ATP11A: variants seen among roughly 807,000 people sequenced by gnomAD.
ATP11A encodes the protein phospholipid-transporting ATPase IH.
ATP11A carries 81 observed loss-of-function variants against 154.4 expected under a neutral mutation model. That is an observed-to-expected ratio of 0.52 (90% CI 0.44 to 0.63). The LOEUF is 0.63. Among genes scored for constraint, ATP11A ranks in the 30% least tolerant of loss-of-function variants. ATP11A has a pLI of 0.00. For missense variants in ATP11A, 1,316 were observed against 1,474.3 expected (o/e 0.89, Z 1.76); for synonymous variants, 623 against 585.9 (o/e 1.06, Z -0.91).
rs79075486 is a variant in ATP11A, at chr13:112,790,944, C to A, written c.162+5687C>A. Among the ~76,000 whole-genome samples the A allele has an allele frequency of 4.5e-3, 685 of 152,288 alleles. 7 individuals carry two copies. The highest frequency in any genetic ancestry group is 0.015 in the African/African-American group (641 of 41,558). ...ATGTAAATGCTGAAAAACAAAGTCC[C>A]AACCAGATAAGTCCTGTGGGTGGTT... On this transcript the variant is annotated intron_variant, in intron 2 of 29. Coordinates refer to ENST00000375645, the MANE Select transcript of ATP11A (RefSeq NM_015205.3).
At chr13:112,816,823 A>G (rs926331071) in intron 6 of ATP11A, among the ~76,000 whole-genome samples, 5 of 152,224 alleles carry the variant, frequency 3.3e-5, no homozygotes, top group African/African-American at 1.2e-4. Flanking sequence ...AACCTGTGTC[A>G]ATTAGCTAAT....
At chr13:112,792,833 G>A (rs921141353) in intron 2 of ATP11A, among the ~76,000 whole-genome samples, 3 of 152,164 alleles carry the variant, frequency 2.0e-5, no homozygotes, top group African/African-American at 7.2e-5. Context: ...GTACTTTGGG[G>A]CACAGAATTC....
At chr13:112,740,906 G>A (rs1373953184) in intron 1 of ATP11A, among the ~76,000 whole-genome samples, 1 of 152,218 alleles carries the variant, frequency 6.6e-6, no homozygotes, top group Non-Finnish European at 1.5e-5. Flanking sequence ...TGCGCTCAGC[G>A]TTATTCAGGG....
At chr13:112,864,165 C>T (rs369307776) in intron 25 of ATP11A, among the ~76,000 whole-genome samples, 10 of 101,142 alleles carry the variant, frequency 9.9e-5, no homozygotes, top group Admixed American at 7.8e-4. Context: ...TCACCACCTG[C>T]GCAGTAATTC....
At chr13:112,718,537 G>T (rs933911527) in intron 1 of ATP11A, among the ~76,000 whole-genome samples, 1 of 152,212 alleles carries the variant, frequency 6.6e-6, no homozygotes, top group Non-Finnish European at 1.5e-5. Flanking sequence ...GTGCGGTGGG[G>T]ATGGGAACCC....
intron 1 of ATP11A, among the ~76,000 whole-genome samples, chr13:112,767,637 G>A (rs2077127221): frequency 6.7e-6 from 1 of 148,240 alleles, no homozygotes; most frequent in African/African-American, 2.6e-5. Context: ...TTTGAAAGGG[G>A]TGTGTGACTC....
At chr13:112,781,781 T>A in intron 1 of ATP11A, among the ~76,000 whole-genome samples, 1 of 66,858 alleles carries the variant, frequency 1.5e-5, no homozygotes, top group African/African-American at 4.2e-5. Context: ...TGCTTTCACT[T>A]TGCAAAAAAA....
intron 1 of ATP11A, among the ~76,000 whole-genome samples, chr13:112,770,784 C>T (rs2094810): frequency 6.6e-6 from 1 of 151,794 alleles, no homozygotes; most frequent in East Asian, 1.9e-4. Flanking sequence ...TAGGAGGCGG[C>T]GATGGCGAGT....
rs931483630 is a variant in ATP11A, at chr13:112,824,236, A to G, written c.791-108A>G. The stretch of plus-strand genomic sequence containing the variant: ...GACACTAGCTTATGAAATTAAAAAT[A>G]GGATTCGCTTTACCCAAGAATTGAT... On this transcript the variant is annotated intron_variant, in intron 9 of 29. Coordinates refer to ENST00000375645, the MANE Select transcript of ATP11A (RefSeq NM_015205.3). 7 of 833,194 alleles carry G rather than the reference A, an allele frequency of 8.4e-6. No homozygotes were observed. In the African/African-American group the frequency reaches 1.2e-4, roughly 14 times the overall value. The allele number at this position is 833,194 out of a possible 1,614,324, so 51.6% of individuals were successfully genotyped here. A position where few individuals can be genotyped will look rare whatever the true frequency, so the allele number is the denominator to read the frequency against.
chr13:112,836,680 A>G (rs2079243765), intron 16 of ATP11A, among the ~76,000 whole-genome samples: 1 of 152,216 alleles, frequency 6.6e-6, no homozygotes, highest in South Asian at 2.1e-4. Flanking sequence ...ATAATGTTCA[A>G]AGTTGCAAAG....
chr13:112,788,837 C>G (rs2077740235), intron 2 of ATP11A, among the ~76,000 whole-genome samples: 1 of 151,714 alleles, frequency 6.6e-6, no homozygotes, highest in Admixed American at 6.6e-5. Flanking sequence ...CTGTAGACCC[C>G]TGTGGCGACC....
intron 1 of ATP11A, among the ~76,000 whole-genome samples, chr13:112,729,567 G>A (rs1890271074): frequency 6.7e-6 from 1 of 150,314 alleles, no homozygotes; most frequent in African/African-American, 2.5e-5. Context: ...TTACTCATCC[G>A]AGTGTGAACA....
At chr13:112,762,686 A>T (rs2076990098) in intron 1 of ATP11A, among the ~76,000 whole-genome samples, 1 of 152,322 alleles carries the variant, frequency 6.6e-6, no homozygotes, top group Non-Finnish European at 1.5e-5. Flanking sequence ...CCATTGCTGT[A>T]AAGTCATGAG....
intron 12 of ATP11A, among the ~76,000 whole-genome samples, chr13:112,831,123 G>A (rs2079071971): frequency 1.3e-5 from 2 of 152,140 alleles, no homozygotes; most frequent in African/African-American, 2.4e-5. Flanking sequence ...AAGGTATCCC[G>A]AGGCCTCCCC....
At position 112,831,404 on chromosome 13, in the gene ATP11A, C is replaced by T. The variant is rs763505862; in HGVS notation, c.1251C>T (p.Gly417=). The T allele has an allele frequency of 1.2e-5, 19 of 1,614,170 alleles. No homozygotes were observed. In the East Asian group the frequency reaches 3.8e-4, roughly 32 times the overall value. Residue 417 remains glycine (G), a synonymous_variant, in exon 13 of 30, where the codon GGC becomes GGT. Transcript: ENST00000375645. ...QVEYIFTDKT[G]TLTENNMEFK... is the part of the protein sequence containing the mutation. ...AGTACATCTTCACAGACAAGACCGG[C>T]ACCCTCACGGAAAACAACATGGAGT...
chr13:112,878,217 A>G lies in ATP11A; in HGVS notation c.3328A>G (p.Thr1110Ala), dbSNP rs1189059655. ...CGTGGCCGCTGACCTCGGGACTAAG[A>G]CTAAGAGCCAGTGCCTTTCTGTCGA... ...LWPTATERVQTKSQCLSVEQS... is the reference protein window; with the variant it reads ...LWPTATERVQAKSQCLSVEQS... Residue 1110 changes from threonine (T) to alanine (A), a missense_variant and splice_region_variant, in exon 29 of 30, where the codon ACT (threonine) becomes GCT (alanine). Coordinates refer to ENST00000375645, the MANE Select transcript of ATP11A (RefSeq NM_015205.3). The G allele has an allele frequency of 6.2e-7, 1 of 1,614,172 alleles. No homozygotes were observed.
intron 1 of ATP11A, among the ~76,000 whole-genome samples, chr13:112,741,173 A>T (rs1891504876): frequency 6.6e-6 from 1 of 152,052 alleles, no homozygotes; most frequent in African/African-American, 2.4e-5. Context: ...ACAGAGCTTT[A>T]TGTTTTTTTG....
chr13:112,738,471 A>G (rs1327147485), intron 1 of ATP11A, among the ~76,000 whole-genome samples: 1 of 152,254 alleles, frequency 6.6e-6, no homozygotes, highest in East Asian at 1.9e-4. Context: ...ACCTGAGATT[A>G]TTGCCATAAT....
chr13:112,802,188 C>CA lies in ATP11A; in HGVS notation c.163-2761dup, dbSNP rs573243269. On this transcript the variant is annotated intron_variant, in intron 2 of 29. Transcript: ENST00000375645. The stretch of plus-strand genomic sequence containing the variant: ...TGAAACCCCATCTCTACTAAAAATA[C>CA]AAAAAAAATTAGCCGGGCGTGGTGG... 5.5e-4 allele frequency among the ~76,000 whole-genome samples: 83 copies of CA among 151,658 alleles called. 1 individual carries two copies. Among genetic ancestry groups the CA allele is most frequent in the Middle Eastern group, 3.4e-3 (1 of 290 alleles).
Sources: allele counts gnomAD v4.1 joint callset (sites outside exome capture counted in the v4.1 genomes callset), GRCh38; gene constraint gnomAD v4.1.1; transcripts MANE v1.5; gene names NCBI Gene and HGNC (gene_info 2026-07-23, HGNC 2026-07-21).